Variants in DLG1 observed in about 807,000 individuals in gnomAD.
DLG1 encodes disks large homolog 1.
DLG1 carries 42 observed loss-of-function variants against 123.4 expected under a neutral mutation model. The observed-to-expected ratio is 0.34, with a 90% CI of 0.27 to 0.44. The LOEUF (loss-of-function observed/expected upper bound fraction) is 0.44, where lower values mean the gene tolerates loss of function less well. DLG1 is among the 20% of genes least tolerant of loss of function. The pLI, the probability that DLG1 is intolerant of heterozygous loss-of-function variation, is 1.00. For synonymous variants in DLG1, 317 were observed against 356.2 expected, an observed-to-expected ratio of 0.89 and a Z score of 1.24; for missense variants, 942 against 1,082.6, an observed-to-expected ratio of 0.87 and a Z score of 1.82.
intron 18 of DLG1, among the ~76,000 whole-genome samples, chr3:197,071,249 T>G (rs1212512884): frequency 6.6e-6 from 1 of 151,970 alleles, no homozygotes; most frequent in Non-Finnish European, 1.5e-5. Context: ...TAAGTGGGAG[T>G]ACAGAAGAAA....
Position 197,186,678 on chromosome 3 carries a change from T to A in DLG1, c.483+7747A>T, listed in dbSNP as rs566542300. On this transcript the variant is annotated intron_variant, in intron 5 of 24. Transcript: ENST00000667157. ...CTGGATAGGCTCTCAATTATTTGTGTACGTTTCTAAAGTCACAAACCCAGC... is the reference window on the plus strand; with the variant it reads ...CTGGATAGGCTCTCAATTATTTGTGAACGTTTCTAAAGTCACAAACCCAGC... Among the ~76,000 whole-genome samples, 504 of 152,346 alleles carry A rather than the reference T, an allele frequency of 3.3e-3. 5 individuals are homozygous for A. Among genetic ancestry groups the A allele is most frequent in the Non-Finnish European group, 3.8e-3 (256 of 68,030 alleles).
chr3:197,125,946 A>G (rs1778850279), intron 11 of DLG1, among the ~76,000 whole-genome samples: 2 of 152,248 alleles, frequency 1.3e-5, no homozygotes, highest in African/African-American at 4.8e-5. Context: ...AGGCTTCAGA[A>G]GAACTGACAA....
chr3:197,253,860 CATT>C (rs973780923), intron 4 of DLG1, among the ~76,000 whole-genome samples: 6 of 151,404 alleles, frequency 4.0e-5, no homozygotes, highest in African/African-American at 7.3e-5. Context: ...GTGATTTCTG[CATT>C]ATTATTATTT....
At chr3:197,235,893 A>G (rs1745698430) in intron 4 of DLG1, among the ~76,000 whole-genome samples, 1 of 152,234 alleles carries the variant, frequency 6.6e-6, no homozygotes, top group Non-Finnish European at 1.5e-5. Context: ...TCAAGGACTT[A>G]AAGGAAAACA....
chr3:197,052,081 T>C (rs2148716351), intron 23 of DLG1, among the ~76,000 whole-genome samples: 1 of 152,172 alleles, frequency 6.6e-6, no homozygotes, highest in South Asian at 2.1e-4. Context: ...CCCCAGGTAA[T>C]CTGCTCGCCT....
chr3:197,142,824 C>A (rs1001595735), intron 6 of DLG1, 56 bp from the exon 7 acceptor site: 2 of 1,439,486 alleles, frequency 1.4e-6, no homozygotes, highest in Non-Finnish European at 1.9e-6. Context: ...TCCAAAATGG[C>A]AAGGCAAAAT....
rs1449185829 is a variant in DLG1 at position 197,060,043 on chromosome 3, T to TCTCAATAATATCAAAG, written c.2374-61_2374-46dup. On this transcript the variant is annotated intron_variant, in intron 22 of 24. Coordinates refer to ENST00000667157, the MANE Select transcript of DLG1 (RefSeq NM_001366207.1). Reference sequence around the variant, plus strand: ...GAAAAAAAACAAGTGAGCCAAATATTCTCAATAATATCAAAGGTACTTTTC... The same window carrying TCTCAATAATATCAAAG: ...GAAAAAAAACAAGTGAGCCAAATATTCTCAATAATATCAAAGCTCAATAATATCAAAGGTACTTTTC... 3 of 1,364,214 alleles carry TCTCAATAATATCAAAG rather than the reference T, an allele frequency of 2.2e-6. No homozygotes were observed. The African/African-American group carries it at 4.3e-5, about 20-fold the overall frequency. The allele number at this position is 1,364,214 out of a possible 1,614,324, so 84.5% of individuals were successfully genotyped here. A position where few individuals can be genotyped will look rare whatever the true frequency, so the allele number is the denominator to read the frequency against.
chr3:197,225,876 G>C (rs1739620822), intron 4 of DLG1: 1 of 152,526 alleles, frequency 6.6e-6, no homozygotes, highest in South Asian at 2.1e-4. Context: ...AAACATTAAG[G>C]ATATTGTGCT....
At chr3:197,088,394 A>G (rs1755672460) in intron 15 of DLG1, among the ~76,000 whole-genome samples, 2 of 152,194 alleles carry the variant, frequency 1.3e-5, no homozygotes, top group Non-Finnish European at 2.9e-5. Context: ...AAAACAGGGT[A>G]TCATTCCCTC....
At chr3:197,211,380 C>T (rs1731181780) in intron 4 of DLG1, among the ~76,000 whole-genome samples, 1 of 146,044 alleles carries the variant, frequency 6.8e-6, no homozygotes, top group Non-Finnish European at 1.5e-5. Flanking sequence ...AACATTGATG[C>T]AAAAATCCTC....
At chr3:197,185,525 A>G (rs140257995) in intron 5 of DLG1, among the ~76,000 whole-genome samples, 5 of 152,302 alleles carry the variant, frequency 3.3e-5, no homozygotes, top group African/African-American at 1.2e-4. Context: ...AATTCGGAGT[A>G]GAGAATGTAA....
chr3:197,197,672 A>G (rs1723235753), intron 4 of DLG1, among the ~76,000 whole-genome samples: 1 of 152,246 alleles, frequency 6.6e-6, no homozygotes. Flanking sequence ...CGGAATTGCG[A>G]GGAACACAGA....
rs142369132 is a variant in DLG1 at position 197,216,778 on chromosome 3, C to A, written c.319-22189G>T. 4.5e-3 allele frequency among the ~76,000 whole-genome samples: 690 copies of A among 152,294 alleles called. 6 individuals carry two copies. Among genetic ancestry groups the A allele is most frequent in the African/African-American group, 0.016 (659 of 41,562 alleles). On this transcript the variant is annotated intron_variant, in intron 4 of 24. Coordinates refer to ENST00000667157, the MANE Select transcript of DLG1 (RefSeq NM_001366207.1). The stretch of plus-strand genomic sequence containing the variant: ...TAAGTTTCCAGACACTAGTCAACAG[C>A]CAACCTTACAAGCTGGCCTTTTCAA...
intron 14 of DLG1, among the ~76,000 whole-genome samples, chr3:197,101,937 A>G (rs908890711): frequency 2.0e-5 from 3 of 152,118 alleles, no homozygotes; most frequent in African/African-American, 7.2e-5. Flanking sequence ...AAAAAGTTTT[A>G]GCAGAGACAA....
intron 3 of DLG1, among the ~76,000 whole-genome samples, chr3:197,289,301 T>C (rs1042467589): frequency 2.0e-5 from 3 of 151,898 alleles, no homozygotes; most frequent in Non-Finnish European, 4.4e-5. Context: ...GAAGTTTGTT[T>C]TGCAAAATGA....
chr3:197,296,490 A>C lies in DLG1; in HGVS notation c.20-13T>G. 1 of 1,612,226 alleles carries C rather than the reference A, an allele frequency of 6.2e-7. No homozygotes were observed. The highest frequency in any genetic ancestry group is 1.7e-4 in the Middle Eastern group (1 of 6,048). ...GCTCTCTGGGTATCTGAGAAGAAAA[A>C]GCAGAGCCTGATTAAAACTCTCTAT... On this transcript the variant is annotated splice_polypyrimidine_tract_variant and intron_variant, in intron 2 of 24. Coordinates refer to ENST00000667157, the MANE Select transcript of DLG1 (RefSeq NM_001366207.1).
Position 197,211,648 on chromosome 3 carries a change from CTG to C in DLG1, c.319-17061_319-17060del, listed in dbSNP as rs1435490753. 6.1e-5 allele frequency among the ~76,000 whole-genome samples: 9 copies of C among 146,738 alleles called. 1 individual carries two copies. The highest frequency in any genetic ancestry group is 2.2e-4 in the African/African-American group (9 of 41,122). Reference sequence around the variant, plus strand: ...ATGGAGAAAAGGGAATACTTATACACTGTTGTTGGGAGTACAAATGGGTTCAA... The same window carrying C: ...ATGGAGAAAAGGGAATACTTATACACTTGTTGGGAGTACAAATGGGTTCAA... On this transcript the variant is annotated intron_variant, in intron 4 of 24. Coordinates refer to ENST00000667157, the MANE Select transcript of DLG1 (RefSeq NM_001366207.1).
chr3:197,222,667 C>T (rs1048858625), intron 4 of DLG1, among the ~76,000 whole-genome samples: 1 of 152,166 alleles, frequency 6.6e-6, no homozygotes, highest in Non-Finnish European at 1.5e-5. Flanking sequence ...TAAGTGGGAA[C>T]AGTACCTTTT....
At chr3:197,152,762 C>CA (rs63446260) in intron 5 of DLG1, among the ~76,000 whole-genome samples, 12,050 of 52,102 alleles carry the variant, frequency 0.23, 1,714 homozygotes, top group Non-Finnish European at 0.25. Context: ...GACTCTGTCT[C>CA]AAAAAAAAAA....
Sources: allele counts gnomAD v4.1 joint callset (sites outside exome capture counted in the v4.1 genomes callset), GRCh38; gene constraint gnomAD v4.1.1; transcripts MANE v1.5; gene names NCBI Gene and HGNC (gene_info 2026-07-23, HGNC 2026-07-21).